The following DNTTIP1 variants were observed in gnomAD, a reference collection of about 807,000 sequenced individuals.
DNTTIP1 encodes deoxynucleotidyltransferase terminal-interacting protein 1.
Under a neutral mutation model 52.9 loss-of-function variants are expected in DNTTIP1, and 22 were observed. The ratio of observed to expected loss-of-function variants is 0.42; its 90% confidence interval spans 0.30 to 0.59. The LOEUF is 0.59. Among genes scored for constraint, DNTTIP1 ranks in the 20% least tolerant of loss-of-function variants. DNTTIP1 has a pLI of 0.22. For synonymous variants in DNTTIP1, 136 were observed against 155.1 expected (o/e 0.88, Z 0.92); for missense variants, 286 against 435.5 (o/e 0.66, Z 3.06).
At position 45,801,384 on chromosome 20, in the gene DNTTIP1, C is replaced by T. The variant is rs950749367; in HGVS notation, c.442-18C>T. On this transcript the variant is annotated intron_variant, in intron 5 of 12. Transcript: ENST00000372622. ...CCAGGCACTGGCCTTCCACTGACTC[C>T]CTTCCCTTTTCTTTTAGCGTGGCCG... 2 of 1,614,072 alleles carry T rather than the reference C, an allele frequency of 1.2e-6. No individual in the cohort carries two copies. Among genetic ancestry groups the T allele is most frequent in the Non-Finnish European group, 1.7e-6 (2 of 1,179,990 alleles).
In DNTTIP1 at chr20:45,809,334, G is replaced by A. The variant is rs1981748816; in HGVS notation, c.795+149G>A. On this transcript the variant is annotated intron_variant, in intron 11 of 12. Coordinates refer to ENST00000372622, the MANE Select transcript of DNTTIP1 (RefSeq NM_052951.3). This position sits in a 1 kb window ranked among gnomAD's most constrained non-coding sequence, Gnocchi z 4.2. ...AGACTTATAAGGCCTATTTCTTCAT[G>A]CTGAAGAGCAAATTGTAATCTTCAG... The A allele has an allele frequency of 1.5e-6, 1 of 682,306 alleles. No homozygotes were observed. The highest frequency in any genetic ancestry group is 2.6e-6 in the Non-Finnish European group (1 of 391,750). The allele number at this position is 682,306 out of a possible 1,614,324, so 42.3% of individuals were successfully genotyped here. A position where few individuals can be genotyped will look rare whatever the true frequency, so the allele number is the denominator to read the frequency against.
intron 3 of DNTTIP1, among the ~76,000 whole-genome samples, chr20:45,794,801 A>ATTT (rs1225181993): frequency 5.4e-5 from 7 of 130,002 alleles, no homozygotes; most frequent in Admixed American, 2.5e-4. Flanking sequence ...AAAAAAAAAA[A>ATTT]TTTTTTTTTT....
intron 7 of DNTTIP1, among the ~76,000 whole-genome samples, chr20:45,802,549 C>T (rs565177033): frequency 9.9e-5 from 15 of 152,110 alleles, no homozygotes; most frequent in African/African-American, 3.6e-4. Context: ...ACAGACATAT[C>T]CCGTATACTC....
chr20:45,804,568 G>A (rs78980754), intron 8 of DNTTIP1, among the ~76,000 whole-genome samples: 4,491 of 152,202 alleles, frequency 0.03, 147 homozygotes, highest in East Asian at 0.085. Context: ...ATAAAATGCA[G>A]TCCCCTGAAC....
intron 4 of DNTTIP1, among the ~76,000 whole-genome samples, chr20:45,800,698 T>A (rs1194572715): frequency 0.2 from 551 of 2,766 alleles, 34 homozygotes; most frequent in African/African-American, 0.28. Flanking sequence ...AAAAAAAATA[T>A]ATATATATAT....
Position 45,809,371 on chromosome 20 carries a change from T to C in DNTTIP1, c.795+186T>C, listed in dbSNP as rs1981750001. Among the ~76,000 whole-genome samples, 1 of 152,354 alleles carries C rather than the reference T, an allele frequency of 6.6e-6. No individual in the cohort carries two copies. The highest frequency in any genetic ancestry group is 6.5e-5 in the Admixed American group (1 of 15,302). ...ATTGTAATCTTCAGGTTCCCTTCCC[T>C]ATCCCTAGGTCTCCCTTCCGCCCCC... On this transcript the variant is annotated intron_variant, in intron 11 of 12. Transcript: ENST00000372622. This position sits in a 1 kb window ranked among gnomAD's most constrained non-coding sequence, Gnocchi z 4.2.
intron 10 of DNTTIP1, among the ~76,000 whole-genome samples, chr20:45,806,720 C>T (rs1184372838): frequency 6.6e-6 from 1 of 152,252 alleles, no homozygotes; most frequent in Non-Finnish European, 1.5e-5. Context: ...GCTTCTTCTC[C>T]AGTCTGATAT....
In DNTTIP1 at chr20:45,792,061, C is replaced by T. The variant is rs1981034105; in HGVS notation, c.57C>T (p.Gly19=). The change falls in exon 1 of 13, where the codon GGC becomes GGT. Residue 19 remains glycine (G), a synonymous_variant. Transcript: ENST00000372622. ...GGGGACCTAGCGGGGCCGAGAGGGG[C>T]GGCTTGGAGCTGGGGGATGCGGGCG... ...QPRGPSGAER[G]GLELGDAGAA... is the part of the protein sequence containing the mutation. 1 of 1,285,030 alleles carries T rather than the reference C, an allele frequency of 7.8e-7. No homozygotes were observed. The highest frequency in any genetic ancestry group is 9.9e-7 in the Non-Finnish European group (1 of 1,015,142). The allele number at this position is 1,285,030 out of a possible 1,614,324, so 79.6% of individuals were successfully genotyped here.
At chr20:45,802,183 G>A (rs2145702618) in intron 7 of DNTTIP1, 126 bp downstream of exon 7, 1 of 1,050,406 alleles carries the variant, frequency 9.5e-7, no homozygotes, top group African/African-American at 1.6e-5. Flanking sequence ...CATCGTGGAG[G>A]GGGGTTATCC....
chr20:45,806,092 A>T (rs555842838), intron 10 of DNTTIP1, among the ~76,000 whole-genome samples: 1 of 151,596 alleles, frequency 6.6e-6, no homozygotes, highest in East Asian at 1.9e-4. Context: ...ACAGTGGCTC[A>T]CGCCTGTAAT....
At chr20:45,799,146 A>T (rs1476272764) in intron 4 of DNTTIP1, among the ~76,000 whole-genome samples, 2 of 152,030 alleles carry the variant, frequency 1.3e-5, no homozygotes, top group East Asian at 3.8e-4. Context: ...TTTTGTCTAC[A>T]GTTGAATTAT....
At position 45,793,951 on chromosome 20, in the gene DNTTIP1, C is replaced by T. The variant is rs770274811; in HGVS notation, c.207C>T (p.Leu69=). 3.8e-6 allele frequency: 6 copies of T among 1,599,900 alleles called. No individual in the cohort carries two copies. In the African/African-American group the frequency reaches 4.0e-5, roughly 11 times the overall value. Reference sequence around the variant, plus strand: ...CAGATCCTGCCATCTCCATGGATCTCCTCCGAGCTGTCCTGCAGCCCAGCA... The same window carrying T: ...CAGATCCTGCCATCTCCATGGATCTTCTCCGAGCTGTCCTGCAGCCCAGCA... ...SFTDPAISMD[L]LRAVLQPSIN... is the part of the protein sequence containing the mutation. Residue 69 remains leucine (L), a synonymous_variant, in exon 3 of 13, where the codon CTC becomes CTT. Transcript: ENST00000372622.
Position 45,800,694 on chromosome 20 carries a change from AATATATATATAT to A in DNTTIP1, c.373-329_373-318del, listed in dbSNP as rs1158615012. Among the ~76,000 whole-genome samples the A allele has an allele frequency of 4.6e-3, 76 of 16,364 alleles. 1 individual carries two copies. Among genetic ancestry groups the A allele is most frequent in the South Asian group, 6.7e-3 (3 of 450 alleles). 10.7% of individuals were successfully genotyped at this position (16,364 alleles called of 152,430 possible). The stretch of plus-strand genomic sequence containing the variant: ...CATCTCAATTTAAAAAAAAAAAAAA[AATATATATATAT>A]ATATATATATATATATATATATATA... On this transcript the variant is annotated intron_variant, in intron 4 of 12. Transcript: ENST00000372622.
At chr20:45,804,614 T>C (rs1568709013) in intron 8 of DNTTIP1, among the ~76,000 whole-genome samples, 1 of 152,198 alleles carries the variant, frequency 6.6e-6, no homozygotes, top group Admixed American at 6.5e-5. Context: ...TCTGTGTTTC[T>C]CTCTCCAGCC....
intron 2 of DNTTIP1, among the ~76,000 whole-genome samples, chr20:45,793,413 AAAT>A (rs145484508): frequency 0.02 from 2,490 of 126,792 alleles, 66 homozygotes; most frequent in African/African-American, 0.072. Context: ...AAATAACAAA[AAAT>A]TGGCCGGGCG....
chr20:45,803,545 G>A (rs1981542137), intron 8 of DNTTIP1, among the ~76,000 whole-genome samples, 167 bp downstream of exon 8: 1 of 152,236 alleles, frequency 6.6e-6, no homozygotes, highest in Admixed American at 6.5e-5. Context: ...AGAGGATCCT[G>A]TGTAGGAATT....
Position 45,792,116 on chromosome 20 carries a change from G to A in DNTTIP1, c.105+7G>A. ...GGGGCAGCTGGTTCTTACGGTGAGG[G>A]CGCCCCCGGTGAGGTCTGGGCTCAG... On this transcript the variant is annotated splice_region_variant and intron_variant, in intron 1 of 12. Transcript: ENST00000372622. 7.9e-7 allele frequency: 1 copy of A among 1,272,800 alleles called. No individual in the cohort carries two copies. The highest frequency in any genetic ancestry group is 3.2e-5 in the Admixed American group (1 of 31,250). 78.8% of individuals were successfully genotyped at this position (1,272,800 alleles called of 1,614,324 possible).
At chr20:45,803,447 A>G in intron 8 of DNTTIP1, 69 bp downstream of exon 8, 3 of 1,579,956 alleles carry the variant, frequency 1.9e-6, no homozygotes, top group Non-Finnish European at 2.6e-6. Context: ...AGGACCCACC[A>G]TGAGGGAAAG....
At chr20:45,805,438 A>G (rs576530474) in intron 10 of DNTTIP1, 72 bp downstream of exon 10, 2 of 1,511,136 alleles carry the variant, frequency 1.3e-6, no homozygotes, top group East Asian at 2.3e-5. Flanking sequence ...AGCACAGAGA[A>G]GCTTAGAACA....
Sources: gnomAD v4.1 joint callset for allele counts (sites outside exome capture counted in the v4.1 genomes callset) on GRCh38, gnomAD v4.1.1 for gene constraint, Gnocchi (gnomAD v3.1) non-coding constraint, MANE v1.5 for transcripts, NCBI Gene and HGNC (gene_info 2026-07-23, HGNC 2026-07-21) for gene names.